The following CPPED1 variants were observed in gnomAD, a reference collection of about 807,000 sequenced individuals.
CPPED1 encodes calcineurin like phosphoesterase domain containing 1, also known as serine/threonine-protein phosphatase CPPED1.
Under a neutral mutation model 28.0 loss-of-function variants are expected in CPPED1, and 28 were observed. The observed-to-expected ratio is 1.00, with a 90% CI of 0.74 to 1.37. CPPED1 has a LOEUF of 1.37. CPPED1 is among the 40% of genes most tolerant of loss of function. The probability of loss-of-function intolerance (pLI) is 0.00; values close to 1 mark genes in which losing one functional copy is unlikely to be tolerated. For synonymous variants in CPPED1, 198 were observed against 180.2 expected (o/e 1.10, Z -0.79); for missense variants, 504 against 416.5 (o/e 1.21, Z -1.83).
intron 2 of CPPED1, 37 bp from the exon 3 acceptor site, chr16:12,705,086 G>A: frequency 6.5e-7 from 1 of 1,547,536 alleles, no homozygotes; most frequent in East Asian, 2.3e-5. Flanking sequence ...GAAAGCCAGG[G>A]GCTTATTCAC....
chr16:12,704,812 C>A lies in CPPED1; in HGVS notation c.527G>T (p.Ser176Ile). The change falls in exon 3 of 4, where the codon AGC becomes ATC. Residue 176 changes from serine to isoleucine, a missense_variant. Physicochemically the swap from Ser to Ile is moderately radical, Grantham distance 142. Transcript: ENST00000381774. ...QFYENPSKCPSLKQAQDQWLD... is the reference protein window; with the variant it reads ...QFYENPSKCPILKQAQDQWLD... Reference sequence around the variant, plus strand: ...CCACTGGTCCTGAGCCTGCTTCAGGCTGGGGCATTTGGAGGGGTTCTCGTA... The same window carrying A: ...CCACTGGTCCTGAGCCTGCTTCAGGATGGGGCATTTGGAGGGGTTCTCGTA... The A allele has an allele frequency of 1.2e-6, 2 of 1,614,222 alleles. No homozygotes were observed. The highest frequency in any genetic ancestry group is 1.7e-6 in the Non-Finnish European group (2 of 1,180,046).
chr16:12,691,903 T>C (rs2079965528), intron 3 of CPPED1, among the ~76,000 whole-genome samples: 1 of 151,472 alleles, frequency 6.6e-6, no homozygotes, highest in Non-Finnish European at 1.5e-5. Flanking sequence ...ACATGGCACA[T>C]GTATACGTAT....
At chr16:12,711,975 C>T (rs899023437) in intron 2 of CPPED1, among the ~76,000 whole-genome samples, 2 of 152,104 alleles carry the variant, frequency 1.3e-5, no homozygotes, top group African/African-American at 4.8e-5. Context: ...AGAGATCTCC[C>T]TCCCATTTTC....
chr16:12,731,665 G>C (rs1467288032), intron 2 of CPPED1, among the ~76,000 whole-genome samples: 1 of 151,480 alleles, frequency 6.6e-6, no homozygotes, highest in Non-Finnish European at 1.5e-5. Flanking sequence ...AAGGCCGTGG[G>C]CGAGAAGGCC....
chr16:12,709,401 C>G lies in CPPED1; in HGVS notation c.290-4352G>C, dbSNP rs548686622. 6.6e-6 allele frequency among the ~76,000 whole-genome samples: 1 copy of G among 152,144 alleles called. No individual in the cohort carries two copies. The highest frequency in any genetic ancestry group is 2.4e-5 in the African/African-American group (1 of 41,452). ...CAGGGACCCCAATGTCAGCACACAC[C>G]TGACCCCCACGGAGAGGAGCCCTGG... On this transcript the variant is annotated intron_variant, in intron 2 of 3. Transcript: ENST00000381774. The surrounding 1 kb of genome is among the most constrained non-coding windows in gnomAD (Gnocchi z 4.4).
intron 1 of CPPED1, among the ~76,000 whole-genome samples, chr16:12,795,465 G>C (rs111650433): frequency 0.044 from 6,713 of 152,234 alleles, 494 homozygotes; most frequent in African/African-American, 0.15. Context: ...TCAGCCTCCA[G>C]AGTAGCTAGG....
intron 1 of CPPED1, among the ~76,000 whole-genome samples, chr16:12,786,674 A>T (rs2080565252): frequency 6.6e-6 from 1 of 152,208 alleles, no homozygotes; most frequent in Non-Finnish European, 1.5e-5. Flanking sequence ...TAATCCCAGC[A>T]CTTTGGGAGG....
At chr16:12,759,630 A>G (rs756814094) in intron 2 of CPPED1, among the ~76,000 whole-genome samples, 10 of 152,158 alleles carry the variant, frequency 6.6e-5, no homozygotes, top group Non-Finnish European at 1.5e-4. Context: ...ACCTGGTGGG[A>G]AGTGATTGGA....
intron 3 of CPPED1, among the ~76,000 whole-genome samples, chr16:12,700,681 C>T (rs533123770): frequency 7.9e-5 from 12 of 152,218 alleles, no homozygotes; most frequent in Non-Finnish European, 1.6e-4. Context: ...TGTGAACTAC[C>T]ACACCTGGCC....
At chr16:12,695,120 T>A (rs2079983267) in intron 3 of CPPED1, among the ~76,000 whole-genome samples, 1 of 152,170 alleles carries the variant, frequency 6.6e-6, no homozygotes, top group Non-Finnish European at 1.5e-5. Context: ...AACATGATTG[T>A]CACTGCCCTG....
chr16:12,771,948 C>G (rs985259803), intron 2 of CPPED1, among the ~76,000 whole-genome samples: 2 of 152,138 alleles, frequency 1.3e-5, no homozygotes. Flanking sequence ...CATGCAGAAA[C>G]CTTGTCTCTA....
rs1159623666 is a variant in CPPED1 at position 12,682,451 on chromosome 16, A to G, written c.716-17336T>C. On this transcript the variant is annotated intron_variant, in intron 3 of 3. Coordinates refer to ENST00000381774, the MANE Select transcript of CPPED1 (RefSeq NM_018340.3). This position sits in a 1 kb window ranked among gnomAD's most constrained non-coding sequence, Gnocchi z 6.1. ...GCAAGAGGAGGGCTGTATTTTTTTA[A>G]TACTAATATTTGGTTGTCAGAAAAG... Among the ~76,000 whole-genome samples the G allele has an allele frequency of 6.6e-6, 1 of 152,104 alleles. No homozygotes were observed. Among genetic ancestry groups the G allele is most frequent in the Non-Finnish European group, 1.5e-5 (1 of 68,022 alleles).
chr16:12,746,399 G>A (rs1390048312), intron 2 of CPPED1, among the ~76,000 whole-genome samples: 2 of 142,202 alleles, frequency 1.4e-5, no homozygotes, highest in Non-Finnish European at 3.0e-5. Flanking sequence ...AAAAAAATTC[G>A]ATGTCCAGTG....
At chr16:12,800,700 AG>A (rs1001555412) in intron 1 of CPPED1, among the ~76,000 whole-genome samples, 34 of 152,274 alleles carry the variant, frequency 2.2e-4, no homozygotes, top group African/African-American at 7.9e-4. Context: ...CTCCAGCCTC[AG>A]CCCACACCAT....
chr16:12,788,474 T>G (rs2080577270), intron 1 of CPPED1, among the ~76,000 whole-genome samples: 1 of 152,146 alleles, frequency 6.6e-6, no homozygotes, highest in South Asian at 2.1e-4. Flanking sequence ...GAAGCCCGCC[T>G]TTTCCTACCT....
chr16:12,729,894 C>T (rs2080188620), intron 2 of CPPED1, among the ~76,000 whole-genome samples: 1 of 152,166 alleles, frequency 6.6e-6, no homozygotes, highest in Non-Finnish European at 1.5e-5. Context: ...GGGAGTCTCA[C>T]TCTGTTGCCG....
intron 2 of CPPED1, among the ~76,000 whole-genome samples, chr16:12,744,279 A>G (rs1567292985): frequency 1.4e-5 from 2 of 143,918 alleles, no homozygotes; most frequent in Non-Finnish European, 3.0e-5. Context: ...AAAGAGAGAG[A>G]GAGAGAGAGA....
rs925633014 is a variant in CPPED1 at position 12,670,298 on chromosome 16, A to C, written c.716-5183T>G. ...TGACAGAGAGACCTTGTCTCTAAAA[A>C]CAAACAAATAAAAACTTTGCAAGAC... On this transcript the variant is annotated intron_variant, in intron 3 of 3. Transcript: ENST00000381774. The surrounding 1 kb of genome is among the most constrained non-coding windows in gnomAD (Gnocchi z 4.2). 5.3e-5 allele frequency among the ~76,000 whole-genome samples: 8 copies of C among 152,174 alleles called. No homozygotes were observed. The highest frequency in any genetic ancestry group is 8.8e-5 in the Non-Finnish European group (6 of 68,034).
intron 2 of CPPED1, among the ~76,000 whole-genome samples, chr16:12,736,607 C>T (rs72779069): frequency 0.016 from 2,393 of 152,166 alleles, 32 homozygotes; most frequent in Non-Finnish European, 0.025. Context: ...TAAATTCTAG[C>T]CCATAGAAGT....
Sources: gnomAD v4.1 joint callset for allele counts (sites outside exome capture counted in the v4.1 genomes callset) on GRCh38, gnomAD v4.1.1 for gene constraint, Gnocchi (gnomAD v3.1) non-coding constraint, MANE v1.5 for transcripts, NCBI Gene and HGNC (gene_info 2026-07-23, HGNC 2026-07-21) for gene names.